PRKG1: variants seen among roughly 807,000 people sequenced by gnomAD.
PRKG1 encodes cGMP-dependent protein kinase 1.
In PRKG1, 35 loss-of-function variants were observed where a neutral mutation model predicts 88.1. That is an observed-to-expected ratio of 0.40 (90% CI 0.30 to 0.53). The LOEUF is 0.53. PRKG1 is among the 20% of genes least tolerant of loss of function. PRKG1 has a pLI of 0.59. For synonymous variants in PRKG1, 303 were observed against 292.5 expected (o/e 1.04, Z -0.37); for missense variants, 540 against 839.8 (o/e 0.64, Z 4.41).
intron 16 of PRKG1, among the ~76,000 whole-genome samples, 199 bp downstream of exon 16, chr10:52,289,192 TAAG>T (rs1385198400): frequency 6.6e-6 from 1 of 152,108 alleles, no homozygotes; most frequent in East Asian, 1.9e-4. Context: ...CCCTGTAACA[TAAG>T]AAGCTGAACT....
intron 1 of PRKG1, among the ~76,000 whole-genome samples, chr10:51,123,826 T>A (rs1004163310): frequency 1.3e-5 from 2 of 152,002 alleles, no homozygotes; most frequent in Non-Finnish European, 2.9e-5. Context: ...TCAGGAAGCT[T>A]ACAATCATAG....
intron 1 of PRKG1, among the ~76,000 whole-genome samples, chr10:51,046,100 A>T (rs537873439): frequency 6.6e-6 from 1 of 152,330 alleles, no homozygotes; most frequent in Non-Finnish European, 1.5e-5. Context: ...TGAAGCCAAC[A>T]TTTTTGCACA....
At chr10:52,278,412 A>G (rs1841922866) in intron 12 of PRKG1, among the ~76,000 whole-genome samples, 2 of 152,180 alleles carry the variant, frequency 1.3e-5, no homozygotes, top group Non-Finnish European at 2.9e-5. Context: ...ACAATTCCTC[A>G]AGGATCTAGA....
intron 3 of PRKG1, among the ~76,000 whole-genome samples, chr10:51,616,311 C>G (rs1839053843): frequency 6.6e-6 from 1 of 152,136 alleles, no homozygotes; most frequent in Admixed American, 6.6e-5. Flanking sequence ...TATTCAGATG[C>G]CCACAGTAGC....
At chr10:51,544,202 C>CA (rs1564542892) in intron 3 of PRKG1, among the ~76,000 whole-genome samples, 7 of 45,360 alleles carry the variant, frequency 1.5e-4, no homozygotes, top group African/African-American at 3.6e-4. Context: ...ATCCCTCCCC[C>CA]CTCCCCCACC....
At chr10:51,593,521 G>A (rs1838364414) in intron 3 of PRKG1, among the ~76,000 whole-genome samples, 1 of 152,104 alleles carries the variant, frequency 6.6e-6, no homozygotes, top group African/African-American at 2.4e-5. Flanking sequence ...TGATTGAATA[G>A]ATTTGGAAGA....
chr10:52,234,037 C>A (rs1384871244), intron 9 of PRKG1, among the ~76,000 whole-genome samples: 1 of 151,692 alleles, frequency 6.6e-6, no homozygotes, highest in South Asian at 2.1e-4. Context: ...CTGGGAGGCA[C>A]CCCCCAGCAG....
chr10:51,698,246 C>T, intron 3 of PRKG1: 1 of 1,614,160 alleles, frequency 6.2e-7, no homozygotes, highest in South Asian at 1.1e-5. Context: ...CATTCCTCTC[C>T]TCTCCATTAC....
At chr10:52,150,849 CAG>C (rs987701073) in intron 8 of PRKG1, among the ~76,000 whole-genome samples, 6 of 152,062 alleles carry the variant, frequency 3.9e-5, no homozygotes, top group Non-Finnish European at 8.8e-5. Flanking sequence ...TTTTCTTAGC[CAG>C]AGTTTCCCAG....
At chr10:52,270,066 G>C (rs948579700) in intron 10 of PRKG1, among the ~76,000 whole-genome samples, 2 of 152,048 alleles carry the variant, frequency 1.3e-5, no homozygotes, top group Non-Finnish European at 2.9e-5. Context: ...AAAAAATCTT[G>C]TTACAATTTT....
chr10:51,139,629 C>T (rs1845775555), intron 1 of PRKG1, among the ~76,000 whole-genome samples: 1 of 152,216 alleles, frequency 6.6e-6, no homozygotes, highest in Non-Finnish European at 1.5e-5. Context: ...TTTTCCCCAT[C>T]CTTACATTCA....
intron 3 of PRKG1, among the ~76,000 whole-genome samples, chr10:51,516,323 C>T (rs1477296029): frequency 6.6e-6 from 1 of 152,050 alleles, no homozygotes; most frequent in Non-Finnish European, 1.5e-5. Flanking sequence ...TGCCTCTCCT[C>T]AATGTCTAGC....
At chr10:52,216,384 A>T (rs1840110917) in intron 9 of PRKG1, among the ~76,000 whole-genome samples, 1 of 152,224 alleles carries the variant, frequency 6.6e-6, no homozygotes, top group African/African-American at 2.4e-5. Flanking sequence ...CCGGAATGCC[A>T]GGGAAATAAT....
intron 3 of PRKG1, among the ~76,000 whole-genome samples, chr10:51,535,720 C>A (rs1004951701): frequency 8.1e-6 from 1 of 123,454 alleles, no homozygotes; most frequent in African/African-American, 2.6e-5. Context: ...GTTTTGAAAT[C>A]AATGATTTTT....
chr10:51,201,388 G>T (rs1029210982), intron 2 of PRKG1, among the ~76,000 whole-genome samples: 1 of 152,164 alleles, frequency 6.6e-6, no homozygotes, highest in Non-Finnish European at 1.5e-5. Context: ...GGTGGCGGAG[G>T]TTGCAGTGAG....
chr10:51,045,636 GT>G (rs1251197357), intron 1 of PRKG1, among the ~76,000 whole-genome samples: 1 of 152,084 alleles, frequency 6.6e-6, no homozygotes, highest in Non-Finnish European at 1.5e-5. Context: ...TAGTATCCAA[GT>G]TTTTTCCTGT....
intron 1 of PRKG1, among the ~76,000 whole-genome samples, chr10:51,091,768 A>G (rs1192598432): frequency 2.0e-5 from 3 of 152,158 alleles, no homozygotes; most frequent in African/African-American, 7.2e-5. Flanking sequence ...GTGTGCAGGC[A>G]TTCTACTGAG....
chr10:51,293,209 T>TC (rs397734030), intron 2 of PRKG1, among the ~76,000 whole-genome samples: 1 of 151,898 alleles, frequency 6.6e-6, no homozygotes, highest in African/African-American at 2.4e-5. Flanking sequence ...TCTTTCTTTT[T>TC]TGTATCAAGA....
At chr10:51,229,239 A>G (rs1421536448) in intron 2 of PRKG1, among the ~76,000 whole-genome samples, 1 of 152,198 alleles carries the variant, frequency 6.6e-6, no homozygotes, top group Non-Finnish European at 1.5e-5. Flanking sequence ...GTAAAGCACC[A>G]TACCTGGCAG....
Sources: allele counts gnomAD v4.1 joint callset (sites outside exome capture counted in the v4.1 genomes callset), GRCh38; gene constraint gnomAD v4.1.1; transcripts MANE v1.5; gene names NCBI Gene and HGNC (gene_info 2026-07-23, HGNC 2026-07-21).